The following GRM5 variants were observed in gnomAD, a reference collection of about 807,000 sequenced individuals.
The protein encoded by GRM5 is metabotropic glutamate receptor 5.
GRM5 carries 19 observed loss-of-function variants against 83.1 expected under a neutral mutation model. The ratio of observed to expected loss-of-function variants is 0.23; its 90% CI spans 0.16 to 0.34. The LOEUF (loss-of-function observed/expected upper bound fraction) is 0.34, where lower values mean the gene tolerates loss of function less well. GRM5 is among the 10% of genes least tolerant of loss of function. GRM5 has a pLI of 1.00. For synonymous variants in GRM5, 675 were observed against 633.6 expected (o/e 1.07, Z -0.98); for missense variants, 1,160 against 1,588.3 (o/e 0.73, Z 4.58).
At chr11:88,880,927 G>A (rs988648862) in intron 2 of GRM5, among the ~76,000 whole-genome samples, 1 of 152,016 alleles carries the variant, frequency 6.6e-6, no homozygotes, top group Non-Finnish European at 1.5e-5. Flanking sequence ...CTATCTTATA[G>A]AATTGTTGTG....
chr11:88,923,371 A>G (rs542226001), intron 2 of GRM5, among the ~76,000 whole-genome samples: 101 of 152,290 alleles, frequency 6.6e-4, no homozygotes, highest in African/African-American at 2.3e-3. Context: ...ATTCAGGCAT[A>G]AAAAAATGAG....
chr11:88,782,966 G>A (rs1234333137), intron 3 of GRM5, among the ~76,000 whole-genome samples: 1 of 152,040 alleles, frequency 6.6e-6, no homozygotes, highest in African/African-American at 2.4e-5. Flanking sequence ...CCTTCTGACA[G>A]ATGACAATTG....
At chr11:88,692,074 T>C (rs1346706604) in intron 3 of GRM5, among the ~76,000 whole-genome samples, 2 of 152,218 alleles carry the variant, frequency 1.3e-5, no homozygotes, top group African/African-American at 4.8e-5. Flanking sequence ...CATTTTCTTT[T>C]GTTTCTTGTT....
chr11:88,817,028 A>C (rs191840659), intron 3 of GRM5, among the ~76,000 whole-genome samples: 1 of 152,166 alleles, frequency 6.6e-6, no homozygotes, highest in Non-Finnish European at 1.5e-5. Context: ...CAAACAAATG[A>C]ACAAGCAAAA....
intron 3 of GRM5, among the ~76,000 whole-genome samples, chr11:88,829,240 C>A (rs1032156879): frequency 2.0e-5 from 3 of 152,148 alleles, no homozygotes; most frequent in African/African-American, 7.2e-5. Flanking sequence ...GCAGGCAGAT[C>A]ATTTGAGGCC....
intron 2 of GRM5, among the ~76,000 whole-genome samples, chr11:88,957,358 A>C (rs977026218): frequency 2.6e-5 from 4 of 152,238 alleles, no homozygotes; most frequent in African/African-American, 9.6e-5. Context: ...AGGACTGTGG[A>C]TGTATTTCCA....
At chr11:88,589,333 A>T (rs1246560194) in intron 7 of GRM5, among the ~76,000 whole-genome samples, 1 of 152,168 alleles carries the variant, frequency 6.6e-6, no homozygotes, top group Non-Finnish European at 1.5e-5. Context: ...GAATAAGAGC[A>T]TCAGAAAGCT....
At chr11:88,803,010 A>G (rs1943429605) in intron 3 of GRM5, among the ~76,000 whole-genome samples, 1 of 127,282 alleles carries the variant, frequency 7.9e-6, no homozygotes, top group African/African-American at 3.8e-5. Context: ...GAAGAACTAC[A>G]AAGCACTGCT....
intron 3 of GRM5, among the ~76,000 whole-genome samples, chr11:88,796,918 G>A (rs879698349): frequency 5.8e-4 from 83 of 143,202 alleles, no homozygotes; most frequent in Non-Finnish European, 8.9e-4. Context: ...GTGTGTGTGT[G>A]TGTGTGTGTG....
intron 7 of GRM5, among the ~76,000 whole-genome samples, chr11:88,570,571 A>ATATATATATT (rs1405339448): frequency 1.1e-4 from 5 of 46,380 alleles, no homozygotes; most frequent in African/African-American, 4.0e-4. Flanking sequence ...ATATATATAT[A>ATATATATATT]TTTTTTTTTT....
At chr11:88,764,274 C>A (rs1425122512) in intron 3 of GRM5, among the ~76,000 whole-genome samples, 1 of 151,398 alleles carries the variant, frequency 6.6e-6, no homozygotes, top group Non-Finnish European at 1.5e-5. Context: ...GACTTCAACA[C>A]CTCATTCTCA....
chr11:88,996,153 G>A (rs1940178860), intron 2 of GRM5, among the ~76,000 whole-genome samples: 1 of 152,170 alleles, frequency 6.6e-6, no homozygotes, highest in Non-Finnish European at 1.5e-5. Flanking sequence ...AACTCAGCAT[G>A]ATAAACCCTG....
intron 8 of GRM5, among the ~76,000 whole-genome samples, chr11:88,553,072 C>T (rs1293908727): frequency 6.6e-6 from 1 of 152,138 alleles, no homozygotes; most frequent in African/African-American, 2.4e-5. Context: ...TCAATTTGCT[C>T]AGTTTTTCTC....
chr11:88,632,247 CTTTTTT>C (rs35797493), intron 4 of GRM5, among the ~76,000 whole-genome samples: 4 of 110,972 alleles, frequency 3.6e-5, no homozygotes, highest in Non-Finnish European at 5.2e-5. Flanking sequence ...ACAGTATGTA[CTTTTTT>C]TTTTTTTTTT....
chr11:88,721,145 G>C (rs1267413695), intron 3 of GRM5, among the ~76,000 whole-genome samples: 1 of 151,924 alleles, frequency 6.6e-6, no homozygotes, highest in Non-Finnish European at 1.5e-5. Context: ...GATTACATGA[G>C]CGAATACATG....
intron 2 of GRM5, among the ~76,000 whole-genome samples, chr11:88,865,967 A>T (rs1944656464): frequency 3.9e-5 from 6 of 152,156 alleles, no homozygotes. Context: ...TGGAAGTGTA[A>T]ATTAGTTCAA....
intron 1 of GRM5, among the ~76,000 whole-genome samples, chr11:89,051,422 A>T (rs1378747965): frequency 2.0e-5 from 3 of 152,006 alleles, no homozygotes; most frequent in Non-Finnish European, 4.4e-5. Context: ...AAAAAAATTT[A>T]ATGTTGGCCA....
intron 8 of GRM5, among the ~76,000 whole-genome samples, chr11:88,557,481 G>T (rs1257159883): frequency 6.6e-6 from 1 of 152,138 alleles, no homozygotes; most frequent in Non-Finnish European, 1.5e-5. Context: ...TCTAAAGTGG[G>T]TGTTAAGAAG....
chr11:88,526,730 T>G (rs556444453), intron 8 of GRM5, among the ~76,000 whole-genome samples: 82 of 114,932 alleles, frequency 7.1e-4, no homozygotes, highest in Non-Finnish European at 2.3e-4. Flanking sequence ...TCCTCTTAAT[T>G]TTTTTTCCCT....
Sources: gnomAD v4.1 joint callset for allele counts (sites outside exome capture counted in the v4.1 genomes callset) on GRCh38, gnomAD v4.1.1 for gene constraint, MANE v1.5 for transcripts, NCBI Gene and HGNC (gene_info 2026-07-23, HGNC 2026-07-21) for gene names.